PARD3: variants seen among roughly 807,000 people sequenced by gnomAD.
The protein encoded by PARD3 is partitioning defective 3 homolog.
In PARD3, 75 loss-of-function variants were observed where a neutral mutation model predicts 155.4. The ratio of observed to expected loss-of-function variants is 0.48; its 90% confidence interval spans 0.40 to 0.58. The LOEUF (loss-of-function observed/expected upper bound fraction) is 0.58, where lower values mean the gene tolerates loss of function less well. PARD3 is among the 20% of genes least tolerant of loss of function. The pLI is 0.00. For synonymous variants in PARD3, 576 were observed against 610.5 expected (o/e 0.94, Z 0.83); for missense variants, 1,642 against 1,721.7 (o/e 0.95, Z 0.82).
chr10:34,785,800 A>C (rs1233615840), intron 1 of PARD3, among the ~76,000 whole-genome samples: 5 of 152,188 alleles, frequency 3.3e-5, no homozygotes, highest in African/African-American at 4.8e-5. Flanking sequence ...AGACATTAGG[A>C]AACTTTTGAA....
rs538032384 is a variant in PARD3, at chr10:34,697,035, AAC to A, written c.121-618_121-617del. Among the ~76,000 whole-genome samples the A allele has an allele frequency of 4.4e-5, 6 of 136,856 alleles. 1 individual carries two copies. Among genetic ancestry groups the A allele is most frequent in the South Asian group, 4.4e-4 (2 of 4,572 alleles). 89.8% of individuals were successfully genotyped at this position (136,856 alleles called of 152,430 possible). ...ACACACACACATATTAAAATGCGTAAACACACACACACACACACACCCCCCTC... is the reference window on the plus strand; with the variant it reads ...ACACACACACATATTAAAATGCGTAAACACACACACACACACACCCCCCTC... On this transcript the variant is annotated intron_variant, in intron 1 of 24. Coordinates refer to ENST00000374788, the MANE Select transcript of PARD3 (RefSeq NM_001184785.2).
At chr10:34,142,644 AAGGAAGGAAGGAAGGC>A (rs1174294312) in intron 22 of PARD3, among the ~76,000 whole-genome samples, 1 of 151,978 alleles carries the variant, frequency 6.6e-6, no homozygotes, top group Non-Finnish European at 1.5e-5. Flanking sequence ...AGGACGAAGG[AAGGAAGGAAGGAAGGC>A]AGGAAGGCAG....
In PARD3 at chr10:34,344,163, A is replaced by G. The variant is rs1455970221; in HGVS notation, c.2219-2347T>C. On this transcript the variant is annotated intron_variant, in intron 15 of 24. Transcript: ENST00000374788. ...CAGCTAAAAAAGTTGAGAAATAGTT[A>G]AAGTCCCAGGCTTACAAATGACAAT... 4.1e-6 allele frequency: 4 copies of G among 984,034 alleles called. No individual in the cohort carries two copies. In the African/African-American group the frequency reaches 7.0e-5, roughly 17 times the overall value. 61.0% of individuals were successfully genotyped at this position (984,034 alleles called of 1,614,324 possible).
intron 7 of PARD3, among the ~76,000 whole-genome samples, chr10:34,395,142 C>A (rs1388140365): frequency 2.0e-5 from 3 of 152,142 alleles, no homozygotes; most frequent in African/African-American, 7.2e-5. Flanking sequence ...TCAAGCAATT[C>A]TTGTGCCTCC....
chr10:34,243,458 T>G (rs1444045729), intron 22 of PARD3, among the ~76,000 whole-genome samples: 1 of 152,244 alleles, frequency 6.6e-6, no homozygotes, highest in Non-Finnish European at 1.5e-5. Flanking sequence ...TCCAATATTT[T>G]ATGATGTGCT....
intron 14 of PARD3, among the ~76,000 whole-genome samples, chr10:34,355,924 CAA>C (rs869284165): frequency 0.042 from 1,775 of 42,698 alleles, 130 homozygotes; most frequent in African/African-American, 0.15. Flanking sequence ...CACTCCGTCT[CAA>C]AAAAAAAAAA....
chr10:34,274,896 C>T (rs1376121544), intron 21 of PARD3, among the ~76,000 whole-genome samples: 2 of 152,146 alleles, frequency 1.3e-5, no homozygotes, highest in Admixed American at 1.3e-4. Context: ...CCTAAATAAT[C>T]TCCCCAAACT....
At chr10:34,494,834 C>A (rs1449493992) in intron 3 of PARD3, among the ~76,000 whole-genome samples, 1 of 152,090 alleles carries the variant, frequency 6.6e-6, no homozygotes, top group Non-Finnish European at 1.5e-5. Context: ...AATGGTTCTG[C>A]ATCACACTTC....
intron 2 of PARD3, among the ~76,000 whole-genome samples, chr10:34,681,752 ATATATATATATATATATTTTTT>A (rs1354446766): frequency 2.1e-4 from 4 of 19,158 alleles, no homozygotes; most frequent in African/African-American, 7.7e-4. Flanking sequence ...ATATATATAT[ATATATATATATATATATTTTTT>A]TTTTTTTTTT....
intron 1 of PARD3, among the ~76,000 whole-genome samples, chr10:34,698,242 T>C (rs1003629578): frequency 4.6e-5 from 7 of 152,226 alleles, no homozygotes; most frequent in Admixed American, 2.0e-4. Flanking sequence ...GCAGCCTTTA[T>C]ATAATATTTG....
At chr10:34,459,260 G>T (rs866769767) in intron 4 of PARD3, among the ~76,000 whole-genome samples, 2 of 151,980 alleles carry the variant, frequency 1.3e-5, no homozygotes. Context: ...ACCGCATCCC[G>T]GGTTCACGCC....
At chr10:34,442,777 A>G (rs991138724) in intron 5 of PARD3, among the ~76,000 whole-genome samples, 2 of 152,216 alleles carry the variant, frequency 1.3e-5, no homozygotes, top group Non-Finnish European at 2.9e-5. Flanking sequence ...AGGCTAAAGC[A>G]GGACGATTGC....
At position 34,348,135 on chromosome 10, in the gene PARD3, G is replaced by A. The variant is rs556074723; in HGVS notation, c.2068-20C>T. ...CTTCAGCTACAGAGTAACGGGTATG[G>A]GGGCAAAGAAAAATCAGTACCTGGA... On this transcript the variant is annotated intron_variant, in intron 14 of 24. Coordinates refer to ENST00000374788, the MANE Select transcript of PARD3 (RefSeq NM_001184785.2). The A allele has an allele frequency of 1.3e-6, 2 of 1,578,392 alleles. No homozygotes were observed. Among genetic ancestry groups the A allele is most frequent in the East Asian group, 2.3e-5 (1 of 43,656 alleles).
At chr10:34,704,205 G>A (rs1343834052) in intron 1 of PARD3, among the ~76,000 whole-genome samples, 1 of 152,060 alleles carries the variant, frequency 6.6e-6, no homozygotes, top group Non-Finnish European at 1.5e-5. Context: ...TTTAACAACT[G>A]ACTAAGGCTA....
intron 1 of PARD3, among the ~76,000 whole-genome samples, chr10:34,745,456 A>AAAGAGAGAGGGAAAGAGAG (rs1835191802): frequency 1.4e-5 from 2 of 140,068 alleles, no homozygotes; most frequent in African/African-American, 5.2e-5. Context: ...AAGAGAGAGA[A>AAAGAGAGAGGGAAAGAGAG]AGAGAGAGGG....
intron 1 of PARD3, among the ~76,000 whole-genome samples, chr10:34,748,728 G>A (rs897257578): frequency 1.3e-5 from 2 of 152,154 alleles, no homozygotes; most frequent in African/African-American, 2.4e-5. Context: ...AAGGAACAGT[G>A]AAGTGGCTTC....
chr10:34,381,028 C>G (rs1841769715), intron 9 of PARD3, among the ~76,000 whole-genome samples: 1 of 152,052 alleles, frequency 6.6e-6, no homozygotes, highest in Non-Finnish European at 1.5e-5. Flanking sequence ...GTGTTTGCAA[C>G]GAGGCAAGCT....
intron 5 of PARD3, among the ~76,000 whole-genome samples, chr10:34,409,892 A>C (rs1161316993): frequency 2.0e-5 from 3 of 152,224 alleles, no homozygotes; most frequent in Non-Finnish European, 4.4e-5. Flanking sequence ...GTTATATTTG[A>C]TATGGCAGCT....
chr10:34,582,827 A>G (rs946159064), intron 2 of PARD3, among the ~76,000 whole-genome samples: 1 of 152,228 alleles, frequency 6.6e-6, no homozygotes, highest in Admixed American at 6.5e-5. Flanking sequence ...CAAGAATGCT[A>G]ATTGTACCTC....
Sources: allele counts gnomAD v4.1 joint callset (sites outside exome capture counted in the v4.1 genomes callset), GRCh38; gene constraint gnomAD v4.1.1; transcripts MANE v1.5; gene names NCBI Gene and HGNC (gene_info 2026-07-23, HGNC 2026-07-21).